SPATS2: variants seen among roughly 807,000 people sequenced by gnomAD.
SPATS2 encodes spermatogenesis-associated serine-rich protein 2.
Under a neutral mutation model 63.7 loss-of-function variants are expected in SPATS2, and 38 were observed. That is an observed-to-expected ratio of 0.60 (90% CI 0.46 to 0.78). The LOEUF (loss-of-function observed/expected upper bound fraction) is 0.78. SPATS2 is among the 30% of genes least tolerant of loss of function. The probability of loss-of-function intolerance (pLI) is 0.00; values close to 1 mark genes in which losing one functional copy is unlikely to be tolerated. For missense variants in SPATS2, 588 were observed against 666.2 expected (o/e 0.88, Z 1.29); for synonymous variants, 207 against 232.9 (o/e 0.89, Z 1.01).
intron 2 of SPATS2, among the ~76,000 whole-genome samples, chr12:49,392,263 AGAAC>A (rs1020805787): frequency 3.9e-5 from 6 of 152,106 alleles, no homozygotes; most frequent in Non-Finnish European, 8.8e-5. Context: ...GTTGTTAAAC[AGAAC>A]CTTAACTTTA....
At chr12:49,499,239 G>A (rs567664873) in intron 8 of SPATS2, among the ~76,000 whole-genome samples, 10 of 152,154 alleles carry the variant, frequency 6.6e-5, no homozygotes, top group Non-Finnish European at 1.5e-4. Context: ...TGGGACTAGA[G>A]CAGCCTTTAG....
chr12:49,406,266 CT>C (rs910731960), intron 2 of SPATS2, among the ~76,000 whole-genome samples: 2 of 151,130 alleles, frequency 1.3e-5, no homozygotes, highest in South Asian at 4.2e-4. Context: ...AATGCTAGAT[CT>C]TTCTAGTTTT....
At chr12:49,468,884 G>A (rs576869424) in intron 3 of SPATS2, among the ~76,000 whole-genome samples, 9 of 152,108 alleles carry the variant, frequency 5.9e-5, no homozygotes, top group Non-Finnish European at 1.3e-4. Context: ...GTAACCATAA[G>A]TCCACTTCTT....
chr12:49,487,492 TAAA>T (rs1218273550), intron 4 of SPATS2, among the ~76,000 whole-genome samples: 1 of 151,822 alleles, frequency 6.6e-6, no homozygotes, highest in East Asian at 1.9e-4. Flanking sequence ...CTCCAAAAAA[TAAA>T]AAAACGGTCA....
Position 49,526,483 on chromosome 12 carries a change from T to C in SPATS2, c.*228T>C, listed in dbSNP as rs1223788757. 2 of 570,310 alleles carry C rather than the reference T, an allele frequency of 3.5e-6. No individual in the cohort carries two copies. The highest frequency in any genetic ancestry group is 5.9e-6 in the Non-Finnish European group (2 of 339,988). 35.3% of individuals were successfully genotyped at this position (570,310 alleles called of 1,614,324 possible). ...TCCCAGTGATATGGATTGAATCTGGTTGGTCATTTCCACCAGGAATCAGAG... is the reference window on the plus strand; with the variant it reads ...TCCCAGTGATATGGATTGAATCTGGCTGGTCATTTCCACCAGGAATCAGAG... On this transcript the variant is annotated 3_prime_UTR_variant, in exon 14 of 14. Coordinates refer to ENST00000552918, the MANE Select transcript of SPATS2 (RefSeq NM_023071.4).
At chr12:49,462,600 A>G in intron 3 of SPATS2, 4 of 599,904 alleles carry the variant, frequency 6.7e-6, no homozygotes, top group South Asian at 4.0e-5. Flanking sequence ...TCTGGTGTCC[A>G]GGAAAAATGA....
chr12:49,437,693 G>A (rs1945339518), intron 2 of SPATS2, among the ~76,000 whole-genome samples: 1 of 152,214 alleles, frequency 6.6e-6, no homozygotes, highest in Non-Finnish European at 1.5e-5. Context: ...GTCAGGCATG[G>A]CGGCGCGCGC....
intron 2 of SPATS2, among the ~76,000 whole-genome samples, chr12:49,382,029 CAGATATCTTCTGAAGGCCCTCTCT>C (rs1944231293): frequency 6.6e-6 from 1 of 152,158 alleles, no homozygotes. Context: ...ACTGGTGATT[CAGATATCTTCTGAAGGCCCTCTCT>C]CCCTGTGCTC....
In SPATS2 at chr12:49,514,118, C is replaced by T. The variant is rs1312225145; in HGVS notation, c.840-437C>T. Among the ~76,000 whole-genome samples, 4 of 150,080 alleles carry T rather than the reference C, an allele frequency of 2.7e-5. No individual in the cohort carries two copies. The East Asian group carries it at 5.9e-4, about 22-fold the overall frequency. ...CTTGCAGTGAGCCAAGATCGCGCCA[C>T]TGCACTCCAGCCTAGGAGACAGCGA... is the stretch of plus-strand genomic sequence containing the variant. On this transcript the variant is annotated intron_variant, in intron 9 of 13. Coordinates refer to ENST00000552918, the MANE Select transcript of SPATS2 (RefSeq NM_023071.4).
At chr12:49,496,473 T>C (rs1419000019) in intron 7 of SPATS2, among the ~76,000 whole-genome samples, 1 of 152,184 alleles carries the variant, frequency 6.6e-6, no homozygotes, top group African/African-American at 2.4e-5. Context: ...TTTCTTAACA[T>C]GGAGGCTTGC....
At chr12:49,432,319 A>G (rs1165555034) in intron 2 of SPATS2, among the ~76,000 whole-genome samples, 1 of 152,166 alleles carries the variant, frequency 6.6e-6, no homozygotes, top group Non-Finnish European at 1.5e-5. Flanking sequence ...TAAAAATACA[A>G]AAATTAGCTG....
chr12:49,379,550 C>CAAAAAAA (rs565753035), intron 2 of SPATS2, among the ~76,000 whole-genome samples: 3 of 45,034 alleles, frequency 6.7e-5, no homozygotes, highest in African/African-American at 2.4e-4. Context: ...GAATCCGTCT[C>CAAAAAAA]AAAAAAAAAA....
At chr12:49,520,956 T>A (rs1946931730) in intron 11 of SPATS2, among the ~76,000 whole-genome samples, 1 of 152,052 alleles carries the variant, frequency 6.6e-6, no homozygotes, top group Non-Finnish European at 1.5e-5. Flanking sequence ...TGACCCCAAG[T>A]GATGCACTCA....
At chr12:49,488,168 C>T (rs1331985253) in intron 4 of SPATS2, among the ~76,000 whole-genome samples, 1 of 151,982 alleles carries the variant, frequency 6.6e-6, no homozygotes, top group East Asian at 2.0e-4. Flanking sequence ...CCTCAGCCTC[C>T]TGAGTATCTG....
intron 2 of SPATS2, among the ~76,000 whole-genome samples, chr12:49,422,681 G>A (rs74551399): frequency 0.029 from 4,443 of 152,190 alleles, 94 homozygotes; most frequent in Middle Eastern, 0.082. Context: ...TGGGCAGACC[G>A]CTTGAACTTG....
chr12:49,524,103 T>G (rs1433371305), intron 12 of SPATS2, among the ~76,000 whole-genome samples: 2 of 152,186 alleles, frequency 1.3e-5, no homozygotes. Flanking sequence ...TTTTTTCAGT[T>G]AGATAGGTAC....
intron 3 of SPATS2, among the ~76,000 whole-genome samples, chr12:49,472,954 G>T (rs1307004658): frequency 6.6e-6 from 1 of 151,424 alleles, no homozygotes; most frequent in Admixed American, 6.6e-5. Context: ...GGAGGCTTAG[G>T]CTGGAGGATT....
chr12:49,395,541 C>T (rs997549997), intron 2 of SPATS2, among the ~76,000 whole-genome samples: 14 of 152,008 alleles, frequency 9.2e-5, no homozygotes, highest in African/African-American at 3.4e-4. Context: ...TCTCCCGCCT[C>T]AGCCTCCCGA....
intron 2 of SPATS2, among the ~76,000 whole-genome samples, chr12:49,373,774 A>C (rs1441762927): frequency 6.6e-6 from 1 of 152,140 alleles, no homozygotes; most frequent in Non-Finnish European, 1.5e-5. Flanking sequence ...AAAATACAAA[A>C]ATTGGCTGAG....
Sources: allele counts gnomAD v4.1 joint callset (sites outside exome capture counted in the v4.1 genomes callset), GRCh38; gene constraint gnomAD v4.1.1; transcripts MANE v1.5; gene names NCBI Gene and HGNC (gene_info 2026-07-23, HGNC 2026-07-21).